The following PACRG variants were observed in gnomAD, a reference collection of about 807,000 sequenced individuals.
The protein encoded by PACRG is parkin coregulated.
A neutral mutation model predicts 29.7 loss-of-function variants in PACRG; 29 were observed. That is an observed-to-expected ratio of 0.98 (90% CI 0.73 to 1.33). The LOEUF is 1.33. PACRG is among the 40% of genes most tolerant of loss of function. The probability of loss-of-function intolerance (pLI) is 0.00; values close to 1 mark genes in which losing one functional copy is unlikely to be tolerated. For missense variants in PACRG, 279 were observed against 316.2 expected (o/e 0.88, Z 0.89); for synonymous variants, 116 against 118.7 (o/e 0.98, Z 0.15).
At position 163,210,801 on chromosome 6, in the gene PACRG, G is replaced by A. The variant is rs148120489; in HGVS notation, c.614-104026G>A. On this transcript the variant is annotated intron_variant, in intron 4 of 4. Transcript: ENST00000366888. ...CAGTTCAATGGAAGATATAGGACAT[G>A]TTAAGTAAGAAACAGCAAGCTCTTT... Among the ~76,000 whole-genome samples, 298 of 152,316 alleles carry A rather than the reference G, an allele frequency of 2.0e-3. 4 individuals are homozygous for A. In the East Asian group the frequency reaches 0.049, roughly 25 times the overall value.
chr6:162,728,993 T>C (rs1186861652), intron 1 of PACRG, among the ~76,000 whole-genome samples: 1 of 152,188 alleles, frequency 6.6e-6, no homozygotes, highest in African/African-American at 2.4e-5. Context: ...CTTTAAACAA[T>C]ACAAGCTTTA....
intron 4 of PACRG, among the ~76,000 whole-genome samples, chr6:163,250,440 T>C (rs1228997271): frequency 6.6e-6 from 1 of 152,242 alleles, no homozygotes; most frequent in Non-Finnish European, 1.5e-5. Flanking sequence ...GGAGAAAGCA[T>C]TGCATTTTAC....
chr6:162,815,994 C>A (rs957763506), intron 2 of PACRG, among the ~76,000 whole-genome samples: 1 of 151,958 alleles, frequency 6.6e-6, no homozygotes, highest in Non-Finnish European at 1.5e-5. Flanking sequence ...ATTTTATGAG[C>A]AACCTTTAGA....
chr6:162,945,984 A>G (rs1208979189), intron 2 of PACRG, among the ~76,000 whole-genome samples: 1 of 152,146 alleles, frequency 6.6e-6, no homozygotes, highest in African/African-American at 2.4e-5. Context: ...AATGCAACAT[A>G]CCAAAAGCTA....
intron 2 of PACRG, among the ~76,000 whole-genome samples, chr6:162,885,766 G>A (rs1479759204): frequency 3.3e-5 from 5 of 151,630 alleles, no homozygotes; most frequent in South Asian, 2.1e-4. Context: ...GCGTGCACAC[G>A]TGCATGTGTG....
intron 4 of PACRG, among the ~76,000 whole-genome samples, chr6:163,161,904 G>A (rs202017085): frequency 1.3e-5 from 2 of 152,272 alleles, no homozygotes; most frequent in East Asian, 3.9e-4. Flanking sequence ...TGTGTTTGTT[G>A]TAGCCATAAA....
intron 4 of PACRG, among the ~76,000 whole-genome samples, chr6:163,139,375 C>A (rs1332393339): frequency 3.4e-5 from 1 of 29,102 alleles, no homozygotes; most frequent in African/African-American, 4.0e-4. Context: ...TTTGCAAAGA[C>A]CCTTATCCTA....
At chr6:162,732,343 G>A (rs1779833556) in intron 1 of PACRG, among the ~76,000 whole-genome samples, 2 of 152,120 alleles carry the variant, frequency 1.3e-5, no homozygotes, top group Admixed American at 1.3e-4. Context: ...GAAATGAAGA[G>A]CAAACAGCTT....
At chr6:163,049,400 C>A (rs1012040132) in intron 2 of PACRG, among the ~76,000 whole-genome samples, 9 of 151,996 alleles carry the variant, frequency 5.9e-5, no homozygotes, top group African/African-American at 9.7e-5. Context: ...TGAGAATAAA[C>A]CATTATTAAT....
intron 1 of PACRG, among the ~76,000 whole-genome samples, chr6:162,749,802 G>A (rs1374813168): frequency 2.6e-5 from 4 of 152,104 alleles, no homozygotes; most frequent in Non-Finnish European, 4.4e-5. Flanking sequence ...TTATAGACGT[G>A]AGCCACCGCA....
At chr6:162,934,705 T>C (rs1266165428) in intron 2 of PACRG, among the ~76,000 whole-genome samples, 1 of 152,172 alleles carries the variant, frequency 6.6e-6, no homozygotes, top group Non-Finnish European at 1.5e-5. Context: ...TGGTTTTCTG[T>C]AGTGTTAATG....
At chr6:163,002,748 T>C (rs1414394125) in intron 2 of PACRG, among the ~76,000 whole-genome samples, 11 of 152,220 alleles carry the variant, frequency 7.2e-5, no homozygotes, top group Admixed American at 7.2e-4. Context: ...TAGAAATGGC[T>C]ACTTTCTGTG....
At chr6:163,254,563 C>T (rs140010857) in intron 4 of PACRG, among the ~76,000 whole-genome samples, 1 of 152,324 alleles carries the variant, frequency 6.6e-6, no homozygotes, top group East Asian at 1.9e-4. Flanking sequence ...CTCAGATGGC[C>T]TCAGAAATGT....
At chr6:162,985,612 G>A (rs141608864) in intron 2 of PACRG, among the ~76,000 whole-genome samples, 1,730 of 152,132 alleles carry the variant, frequency 0.011, 17 homozygotes, top group Non-Finnish European at 0.019. Context: ...ACTGAATGGG[G>A]AAAATTTGAA....
At chr6:163,203,052 C>T (rs564606298) in intron 4 of PACRG, among the ~76,000 whole-genome samples, 5 of 152,210 alleles carry the variant, frequency 3.3e-5, no homozygotes, top group South Asian at 2.1e-4. Context: ...ATAGGTACAT[C>T]GGGCCGTTCC....
chr6:163,163,267 G>T (rs79380584), intron 4 of PACRG, among the ~76,000 whole-genome samples: 8,043 of 151,948 alleles, frequency 0.053, 348 homozygotes, highest in African/African-American at 0.12. Flanking sequence ...GTTGTTTTTT[G>T]TTGTTGTTGT....
chr6:162,763,807 C>A (rs1216218129), intron 1 of PACRG, among the ~76,000 whole-genome samples: 10 of 152,136 alleles, frequency 6.6e-5, no homozygotes, highest in Non-Finnish European at 1.2e-4. Flanking sequence ...TTATAATTAA[C>A]CTTCAGTCGG....
chr6:162,836,334 G>A (rs553280970), intron 2 of PACRG, among the ~76,000 whole-genome samples: 2 of 152,180 alleles, frequency 1.3e-5, no homozygotes, highest in South Asian at 2.1e-4. Context: ...GGTAGTCAGA[G>A]GGCTGTGACT....
chr6:163,196,654 TATC>T (rs1780463888), intron 4 of PACRG, among the ~76,000 whole-genome samples: 1 of 152,266 alleles, frequency 6.6e-6, no homozygotes, highest in South Asian at 2.1e-4. Flanking sequence ...AAGAGTCACT[TATC>T]ATATTCTGCA....
Sources: gnomAD v4.1 joint callset for allele counts (sites outside exome capture counted in the v4.1 genomes callset) on GRCh38, gnomAD v4.1.1 for gene constraint, MANE v1.5 for transcripts, NCBI Gene and HGNC (gene_info 2026-07-23, HGNC 2026-07-21) for gene names.